The following TLN2 variants were observed in gnomAD, a reference collection of about 807,000 sequenced individuals.
TLN2 encodes the protein talin-2.
A neutral mutation model predicts 294.7 loss-of-function variants in TLN2; 118 were observed. The observed-to-expected ratio is 0.40, with a 90% CI of 0.34 to 0.47. The LOEUF (loss-of-function observed/expected upper bound fraction) is 0.47, where lower values mean the gene tolerates loss of function less well. Among genes scored for constraint, TLN2 ranks in the 20% least tolerant of loss-of-function variants. The pLI is 0.84. For missense variants in TLN2, 3,083 were observed against 3,282.2 expected, an observed-to-expected ratio of 0.94 and a Z score of 1.48; for synonymous variants, 1,431 against 1,304.5, an observed-to-expected ratio of 1.10 and a Z score of -2.09.
chr15:62,714,751 T>G (rs1455649586), intron 22 of TLN2, among the ~76,000 whole-genome samples: 1 of 152,222 alleles, frequency 6.6e-6, no homozygotes, highest in Non-Finnish European at 1.5e-5. Flanking sequence ...CCAAGGATTA[T>G]ATTTAATGTG....
At chr15:62,774,442 A>G (rs184432406) in intron 42 of TLN2, among the ~76,000 whole-genome samples, 2 of 152,282 alleles carry the variant, frequency 1.3e-5, no homozygotes, top group Admixed American at 6.5e-5. Flanking sequence ...GCCTTAATTG[A>G]GATCCAACTG....
chr15:62,449,540 G>T (rs939800480), intron 1 of TLN2, among the ~76,000 whole-genome samples: 1 of 152,252 alleles, frequency 6.6e-6, no homozygotes, highest in Non-Finnish European at 1.5e-5. Context: ...TTAAAAACAG[G>T]CTGGGTATGG....
At chr15:62,812,009 C>CTCAA (rs1335116782) in intron 52 of TLN2, among the ~76,000 whole-genome samples, 159 of 70,244 alleles carry the variant, frequency 2.3e-3, no homozygotes, top group African/African-American at 7.7e-3. Context: ...AAGACTCCAT[C>CTCAA]TCAATAAATA....
intron 1 of TLN2, among the ~76,000 whole-genome samples, chr15:62,434,945 T>G (rs1271868528): frequency 6.6e-6 from 1 of 152,164 alleles, no homozygotes; most frequent in Non-Finnish European, 1.5e-5. Context: ...CCCCAAAGTG[T>G]GTTGTTTCCC....
intron 54 of TLN2, chr15:62,832,523 C>CTTCT (rs1034560361): frequency 3.0e-4 from 45 of 152,372 alleles, no homozygotes; most frequent in African/African-American, 1.0e-3. Context: ...TTCTCCAAAG[C>CTTCT]TTCTTTTCAA....
At chr15:62,582,311 T>A (rs2045196225) in intron 1 of TLN2, among the ~76,000 whole-genome samples, 1 of 151,604 alleles carries the variant, frequency 6.6e-6, no homozygotes, top group East Asian at 2.0e-4. Context: ...CCCCTGTGTC[T>A]GCCCCAGTTT....
At chr15:62,780,885 C>T (rs570752621) in intron 43 of TLN2, among the ~76,000 whole-genome samples, 4 of 152,178 alleles carry the variant, frequency 2.6e-5, no homozygotes, top group South Asian at 4.2e-4. Flanking sequence ...TAAGACTTGG[C>T]GGAAACATCA....
intron 36 of TLN2, 61 bp downstream of exon 36, chr15:62,753,977 G>A (rs2062081987): frequency 7.1e-7 from 1 of 1,412,674 alleles, no homozygotes; most frequent in Non-Finnish European, 9.3e-7. Flanking sequence ...GGTAAGTTGT[G>A]GGAGACTATG....
At chr15:62,518,980 A>T (rs1216489796) in intron 1 of TLN2, among the ~76,000 whole-genome samples, 1 of 152,228 alleles carries the variant, frequency 6.6e-6, no homozygotes, top group African/African-American at 2.4e-5. Flanking sequence ...CACAGTTCTA[A>T]GCAGGATTAG....
At chr15:62,665,181 G>GCCTCAA (rs971003953) in intron 9 of TLN2, among the ~76,000 whole-genome samples, 4 of 151,976 alleles carry the variant, frequency 2.6e-5, no homozygotes, top group African/African-American at 9.7e-5. Context: ...CCTCACCTCA[G>GCCTCAA]CCTCTCAAGT....
At chr15:62,661,340 T>A (rs1191353573) in intron 9 of TLN2, among the ~76,000 whole-genome samples, 1 of 152,108 alleles carries the variant, frequency 6.6e-6, no homozygotes, top group Non-Finnish European at 1.5e-5. Context: ...GGAAAAAAAT[T>A]GAACATAGCC....
In TLN2 at chr15:62,701,603, T is replaced by G. The variant is rs528627455; in HGVS notation, c.1696+389T>G. On this transcript the variant is annotated intron_variant, in intron 17 of 58. Coordinates refer to ENST00000636159, the MANE Select transcript of TLN2 (RefSeq NM_015059.3). The stretch of plus-strand genomic sequence containing the variant: ...CCCATGTTGTCCAGCAGTGGTCTCT[T>G]CTGGCACAGTGTGGCTCCCAGCCTT... Among the ~76,000 whole-genome samples the G allele has an allele frequency of 3.9e-5, 6 of 152,298 alleles. No homozygotes were observed. The South Asian group carries it at 6.2e-4, about 16-fold the overall frequency.
At chr15:62,735,323 C>G (rs1336856206) in intron 28 of TLN2, among the ~76,000 whole-genome samples, 2 of 152,216 alleles carry the variant, frequency 1.3e-5, no homozygotes, top group Admixed American at 6.5e-5. Flanking sequence ...GGTAGTAAGA[C>G]TCACGTTTAT....
chr15:62,533,364 G>A lies in TLN2; in HGVS notation c.-237-56323G>A, dbSNP rs1366112234. ...TCCACACTTTGAGAGCCTTAAGTTA[G>A]ATTCAGGGAAAGCTGGTCAGGGGGA... On this transcript the variant is annotated intron_variant, in intron 1 of 58. Transcript: ENST00000636159. Among the ~76,000 whole-genome samples the A allele has an allele frequency of 2.6e-5, 4 of 151,274 alleles. No individual in the cohort carries two copies. The East Asian group carries it at 7.9e-4, about 30-fold the overall frequency.
chr15:62,412,949 A>C lies in TLN2; in HGVS notation c.-238+22264A>C, dbSNP rs544920722. On this transcript the variant is annotated intron_variant, in intron 1 of 58. Coordinates refer to ENST00000636159, the MANE Select transcript of TLN2 (RefSeq NM_015059.3). ...GAAACTCTCCTGGGGGCTCTTTCTC[A>C]TCACAGCCCCTGTTTGGAGAAGCTG... 8.5e-5 allele frequency among the ~76,000 whole-genome samples: 13 copies of C among 152,342 alleles called. No individual in the cohort carries two copies. The South Asian group carries it at 2.5e-3, about 29-fold the overall frequency.
intron 52 of TLN2, among the ~76,000 whole-genome samples, chr15:62,812,011 C>CAATAAATAAATAAATAAATAAATA (rs59386081): frequency 3.8e-5 from 5 of 130,676 alleles, no homozygotes; most frequent in African/African-American, 8.8e-5. Context: ...GACTCCATCT[C>CAATAAATAAATAAATAAATAAATA]AATAAATAAA....
chr15:62,659,804 G>A (rs1184798852), intron 9 of TLN2, among the ~76,000 whole-genome samples: 2 of 152,116 alleles, frequency 1.3e-5, no homozygotes, highest in Non-Finnish European at 2.9e-5. Flanking sequence ...AGGTAATGAG[G>A]CATTTTTACT....
intron 1 of TLN2, among the ~76,000 whole-genome samples, chr15:62,449,393 G>GCAGTAGTTGCTTCATAGCC (rs1286857418): frequency 2.0e-5 from 3 of 152,172 alleles, no homozygotes; most frequent in Non-Finnish European, 4.4e-5. Flanking sequence ...CCTTGGGGCT[G>GCAGTAGTTGCTTCATAGCC]CAGTAGTTGC....
At chr15:62,765,809 C>T (rs1036579854) in intron 40 of TLN2, among the ~76,000 whole-genome samples, 2 of 152,228 alleles carry the variant, frequency 1.3e-5, no homozygotes, top group Admixed American at 6.5e-5. Context: ...ACACAGTGGA[C>T]TGAGATCTAA....
Sources: gnomAD v4.1 joint callset for allele counts (sites outside exome capture counted in the v4.1 genomes callset) on GRCh38, gnomAD v4.1.1 for gene constraint, MANE v1.5 for transcripts, NCBI Gene and HGNC (gene_info 2026-07-23, HGNC 2026-07-21) for gene names.